Variants in CTNND2 observed in about 807,000 individuals in gnomAD.
CTNND2 encodes catenin delta-2.
In CTNND2, 22 loss-of-function variants were observed where a neutral mutation model predicts 144.4. That is an observed-to-expected ratio of 0.15 (90% CI 0.11 to 0.22). The LOEUF is 0.22. Among genes scored for constraint, CTNND2 ranks in the 10% least tolerant of loss-of-function variants. The pLI, the probability that CTNND2 is intolerant of heterozygous loss-of-function variation, is 1.00. For synonymous variants in CTNND2, 751 were observed against 695.6 expected (o/e 1.08, Z -1.25); for missense variants, 1,353 against 1,618.8 (o/e 0.84, Z 2.82).
At chr5:11,292,263 G>GC (rs1748428924) in intron 9 of CTNND2, among the ~76,000 whole-genome samples, 1 of 152,054 alleles carries the variant, frequency 6.6e-6, no homozygotes, top group Admixed American at 6.6e-5. Flanking sequence ...TTAGAATGTG[G>GC]CCCTTTTTGG....
At chr5:11,576,572 C>T (rs1374108892) in intron 2 of CTNND2, among the ~76,000 whole-genome samples, 1 of 151,958 alleles carries the variant, frequency 6.6e-6, no homozygotes, top group African/African-American at 2.4e-5. Context: ...AGAAAAGCAT[C>T]AGTAGATACT....
rs1783066168 is a variant in CTNND2 at position 11,659,298 on chromosome 5, A to G, written c.174+72838T>C. ...ATATGCAAATACCACATCATTTTACATAAGAAACTTGGGCATCTGTGAATT... is the reference window on the plus strand; with the variant it reads ...ATATGCAAATACCACATCATTTTACGTAAGAAACTTGGGCATCTGTGAATT... On this transcript the variant is annotated intron_variant, in intron 2 of 21. Coordinates refer to ENST00000304623, the MANE Select transcript of CTNND2 (RefSeq NM_001332.4). Among the ~76,000 whole-genome samples the G allele has an allele frequency of 2.0e-5, 3 of 152,298 alleles. No homozygotes were observed. The South Asian group carries it at 6.2e-4, about 32-fold the overall frequency.
chr5:11,290,842 T>C (rs776729427), intron 9 of CTNND2, among the ~76,000 whole-genome samples: 3 of 152,304 alleles, frequency 2.0e-5, no homozygotes, highest in Non-Finnish European at 2.9e-5. Context: ...CTTCGTTGTT[T>C]ATTTAACTTC....
At chr5:11,331,494 C>T (rs530011482) in intron 9 of CTNND2, among the ~76,000 whole-genome samples, 3 of 152,124 alleles carry the variant, frequency 2.0e-5, no homozygotes, top group Non-Finnish European at 4.4e-5. Context: ...AAAATTTTGG[C>T]AGGTCGCTTT....
At chr5:11,830,510 C>T (rs1256697845) in intron 1 of CTNND2, among the ~76,000 whole-genome samples, 1 of 152,160 alleles carries the variant, frequency 6.6e-6, no homozygotes, top group Non-Finnish European at 1.5e-5. Flanking sequence ...TGCCTGCTGC[C>T]ATCCATGTAA....
At chr5:11,816,656 AGAGAGAGGAG>A (rs1325742507) in intron 1 of CTNND2, among the ~76,000 whole-genome samples, 5 of 18,728 alleles carry the variant, frequency 2.7e-4, no homozygotes, top group South Asian at 3.7e-3. Flanking sequence ...AGAGAGAGAG[AGAGAGAGGAG>A]GAGAGAGAGA....
chr5:11,682,845 G>A (rs1445479201), intron 2 of CTNND2, among the ~76,000 whole-genome samples: 1 of 152,112 alleles, frequency 6.6e-6, no homozygotes, highest in African/African-American at 2.4e-5. Flanking sequence ...ATGAAAAACA[G>A]AAACAATGAA....
chr5:11,218,329 C>T (rs192984793), intron 10 of CTNND2, among the ~76,000 whole-genome samples: 1 of 152,124 alleles, frequency 6.6e-6, no homozygotes, highest in African/African-American at 2.4e-5. Flanking sequence ...ATCTTGTCAT[C>T]GGAGTCATGC....
chr5:11,717,508 C>T (rs1786420000), intron 2 of CTNND2, among the ~76,000 whole-genome samples: 1 of 149,310 alleles, frequency 6.7e-6, no homozygotes, highest in Non-Finnish European at 1.5e-5. Flanking sequence ...ACCCTGGGGG[C>T]AGAGGTTGCA....
chr5:11,903,419 A>C lies in CTNND2; in HGVS notation c.37+398T>G. 2.0e-6 allele frequency: 2 copies of C among 1,018,318 alleles called. No homozygotes were observed. The highest frequency in any genetic ancestry group is 2.4e-6 in the Non-Finnish European group (2 of 843,774). The allele number at this position is 1,018,318 out of a possible 1,614,324, so 63.1% of individuals were successfully genotyped here. On this transcript the variant is annotated intron_variant, in intron 1 of 21. Coordinates refer to ENST00000304623, the MANE Select transcript of CTNND2 (RefSeq NM_001332.4). This position sits in a 1 kb window ranked among gnomAD's most constrained non-coding sequence, Gnocchi z 5.4. The stretch of plus-strand genomic sequence containing the variant: ...ACATAAGGGCAAAAGACTGGAGGGA[A>C]GTCCTCCCCACCCCCACCCCGTCTC...
chr5:11,713,583 CAAAAAAAAAA>C (rs1165519277), intron 2 of CTNND2, among the ~76,000 whole-genome samples: 1 of 57,890 alleles, frequency 1.7e-5, no homozygotes, highest in African/African-American at 5.7e-5. Flanking sequence ...GACTCCATCT[CAAAAAAAAAA>C]AAAAAAAAAA....
chr5:11,258,544 C>A (rs935451434), intron 9 of CTNND2, among the ~76,000 whole-genome samples: 1 of 152,148 alleles, frequency 6.6e-6, no homozygotes, highest in African/African-American at 2.4e-5. Context: ...ATCACTTCAT[C>A]CTTATTAGAT....
At chr5:11,089,363 C>A (rs1351433518) in intron 15 of CTNND2, among the ~76,000 whole-genome samples, 1 of 152,206 alleles carries the variant, frequency 6.6e-6, no homozygotes, top group Non-Finnish European at 1.5e-5. Flanking sequence ...TCCTCCACTT[C>A]ATTGCAAAAA....
At chr5:11,427,062 C>T (rs924067037) in intron 3 of CTNND2, among the ~76,000 whole-genome samples, 1 of 152,076 alleles carries the variant, frequency 6.6e-6, no homozygotes, top group Non-Finnish European at 1.5e-5. Context: ...AAGTTAAATG[C>T]TCTTATATTT....
intron 10 of CTNND2, among the ~76,000 whole-genome samples, chr5:11,201,686 A>T (rs1737454693): frequency 6.6e-6 from 1 of 152,186 alleles, no homozygotes; most frequent in African/African-American, 2.4e-5. Flanking sequence ...GGGAAGGAAG[A>T]GGGAGGGATG....
In CTNND2 at chr5:11,705,940, T is replaced by G. The variant is rs150549638; in HGVS notation, c.174+26196A>C. On this transcript the variant is annotated intron_variant, in intron 2 of 21. Coordinates refer to ENST00000304623, the MANE Select transcript of CTNND2 (RefSeq NM_001332.4). ...TTGGGAATAGACTCACTCTAGAGAC[T>G]CCCCTGGCTAGCTAGAGGAAGCAGC... Among the ~76,000 whole-genome samples the G allele has an allele frequency of 2.0e-4, 31 of 152,294 alleles. No individual in the cohort carries two copies. The East Asian group carries it at 5.8e-3, about 28-fold the overall frequency.
At chr5:11,120,101 A>G (rs917467092) in intron 12 of CTNND2, among the ~76,000 whole-genome samples, 3 of 152,224 alleles carry the variant, frequency 2.0e-5, no homozygotes, top group African/African-American at 7.2e-5. Context: ...CAAAATTTAA[A>G]AAGTTATTAA....
intron 16 of CTNND2, among the ~76,000 whole-genome samples, chr5:11,060,818 C>T (rs1018060540): frequency 6.6e-6 from 1 of 152,094 alleles, no homozygotes; most frequent in Non-Finnish European, 1.5e-5. Context: ...AAAATGAAGA[C>T]AATTATGTAA....
At chr5:11,478,652 C>G (rs1219049002) in intron 3 of CTNND2, among the ~76,000 whole-genome samples, 1 of 152,180 alleles carries the variant, frequency 6.6e-6, no homozygotes, top group African/African-American at 2.4e-5. Context: ...GTCCCCTTGG[C>G]AGCCTGAACT....
Sources: allele counts gnomAD v4.1 joint callset (sites outside exome capture counted in the v4.1 genomes callset), GRCh38; gene constraint gnomAD v4.1.1; non-coding constraint Gnocchi (gnomAD v3.1); transcripts MANE v1.5; gene names NCBI Gene and HGNC (gene_info 2026-07-23, HGNC 2026-07-21).